SLC35D4: variants seen among roughly 807,000 people sequenced by gnomAD.
The protein encoded by SLC35D4 is solute carrier family 35 member D4.
chr18:23,364,919 A>G, the SLC35D4 span, among the ~76,000 whole-genome samples: 4 of 3,742 alleles, frequency 1.1e-3, no homozygotes, highest in Non-Finnish European at 4.9e-3. Flanking sequence ...AAAAAAAAAA[A>G]AAAAAAAAAA....
At chr18:23,266,616 A>G in the SLC35D4 span, among the ~76,000 whole-genome samples, 8 of 152,228 alleles carry the variant, frequency 5.3e-5, no homozygotes, top group African/African-American at 1.9e-4. Flanking sequence ...CTCTTCAACC[A>G]GGTGGCTTCA....
chr18:23,325,940 G>A, the SLC35D4 span, among the ~76,000 whole-genome samples: 8 of 152,142 alleles, frequency 5.3e-5, no homozygotes, highest in South Asian at 4.1e-4. Context: ...TAAAGCCTGC[G>A]GACAAGGCAC....
the SLC35D4 span, among the ~76,000 whole-genome samples, chr18:23,350,233 T>A: frequency 1.3e-5 from 2 of 152,250 alleles, no homozygotes; most frequent in Non-Finnish European, 2.9e-5. Flanking sequence ...CAGCTGCTGA[T>A]GTCTTTACTC....
chr18:23,253,808 T>C, the SLC35D4 span: 1 of 1,614,244 alleles, frequency 6.2e-7, no homozygotes, highest in Non-Finnish European at 8.5e-7. Flanking sequence ...CTTCGTCTAC[T>C]TTGAAAAGCT....
At chr18:23,304,864 A>G in the SLC35D4 span, among the ~76,000 whole-genome samples, 6 of 152,186 alleles carry the variant, frequency 3.9e-5, no homozygotes, top group Non-Finnish European at 7.3e-5. Flanking sequence ...CATAAGGCCC[A>G]GTTCACACCA....
chr18:23,256,396 A>G, the SLC35D4 span, among the ~76,000 whole-genome samples: 1 of 152,248 alleles, frequency 6.6e-6, no homozygotes, highest in African/African-American at 2.4e-5. Context: ...TCCTTGTAAG[A>G]TGAAAGGACT....
the SLC35D4 span, among the ~76,000 whole-genome samples, chr18:23,310,042 C>T: frequency 1.6e-4 from 25 of 152,298 alleles, no homozygotes; most frequent in Non-Finnish European, 2.9e-4. Flanking sequence ...CAGCCAAGGC[C>T]GCCCTCATCT....
chr18:23,338,501 C>T, the SLC35D4 span, among the ~76,000 whole-genome samples: 2 of 152,082 alleles, frequency 1.3e-5, no homozygotes, highest in African/African-American at 4.8e-5. Context: ...ATTATTATTG[C>T]ATTGTTTACA....
At chr18:23,249,456 A>C in the SLC35D4 span, among the ~76,000 whole-genome samples, 1 of 152,214 alleles carries the variant, frequency 6.6e-6, no homozygotes, top group Non-Finnish European at 1.5e-5. Flanking sequence ...TCTTTGGCAC[A>C]TAGAAATCAG....
At chr18:23,275,529 A>T in the SLC35D4 span, among the ~76,000 whole-genome samples, 3 of 152,104 alleles carry the variant, frequency 2.0e-5, no homozygotes, top group Admixed American at 6.5e-5. Flanking sequence ...TGAACTACAG[A>T]GGCAGAGCAG....
chr18:23,414,105 A>G, the SLC35D4 span, among the ~76,000 whole-genome samples: 3 of 148,592 alleles, frequency 2.0e-5, no homozygotes, highest in African/African-American at 7.4e-5. Flanking sequence ...AAATACAAAA[A>G]TTAGCCGGGC....
At chr18:23,337,577 C>T in the SLC35D4 span, among the ~76,000 whole-genome samples, 10 of 152,122 alleles carry the variant, frequency 6.6e-5, no homozygotes, top group East Asian at 1.9e-4. Flanking sequence ...CCAGAAACAT[C>T]GAGAGTTTTA....
At chr18:23,318,874 C>T in the SLC35D4 span, among the ~76,000 whole-genome samples, 13 of 152,002 alleles carry the variant, frequency 8.6e-5, no homozygotes, top group Non-Finnish European at 1.6e-4. Flanking sequence ...GGTGGAGTCT[C>T]ACTCTGTCAC....
the SLC35D4 span, among the ~76,000 whole-genome samples, chr18:23,245,696 T>C: frequency 6.6e-6 from 1 of 152,196 alleles, no homozygotes; most frequent in Non-Finnish European, 1.5e-5. Context: ...GAACTGCATC[T>C]CTGGACATCT....
chr18:23,245,538 G>GT, the SLC35D4 span, among the ~76,000 whole-genome samples: 1 of 151,132 alleles, frequency 6.6e-6, no homozygotes, highest in Non-Finnish European at 1.5e-5. Flanking sequence ...AGGTATCAGT[G>GT]TTTCTGCAGT....
chr18:23,245,259 A>G, the SLC35D4 span, among the ~76,000 whole-genome samples: 2 of 152,078 alleles, frequency 1.3e-5, no homozygotes, highest in South Asian at 2.1e-4. Flanking sequence ...TGTAACCCCA[A>G]CGCTTTGGGA....
At chr18:23,307,239 T>C in the SLC35D4 span, among the ~76,000 whole-genome samples, 1 of 152,386 alleles carries the variant, frequency 6.6e-6, no homozygotes. Flanking sequence ...AAATGTCTTA[T>C]AAATAGCATG....
chr18:23,425,745 C>T, the SLC35D4 span, among the ~76,000 whole-genome samples: 6 of 152,120 alleles, frequency 3.9e-5, no homozygotes, highest in Admixed American at 1.3e-4. Flanking sequence ...TAAGTCCAAC[C>T]GTCGTTAAGT....
chr18:23,389,493 A>G, the SLC35D4 span, among the ~76,000 whole-genome samples: 10 of 152,342 alleles, frequency 6.6e-5, no homozygotes, highest in Admixed American at 3.3e-4. Flanking sequence ...ACAATTGACC[A>G]GTTGCACTCT....
Sources: allele counts gnomAD v4.1 joint callset (sites outside exome capture counted in the v4.1 genomes callset), GRCh38; gene constraint gnomAD v4.1.1; transcripts MANE v1.5; gene names NCBI Gene and HGNC (gene_info 2026-07-23, HGNC 2026-07-21).